Variants in HEATR4 observed in about 807,000 individuals in gnomAD.
HEATR4 encodes HEAT repeat containing 4, also known as HEAT repeat-containing protein 4.
A neutral mutation model predicts 108.8 loss-of-function variants in HEATR4; 95 were observed. That is an observed-to-expected ratio of 0.87 (90% confidence interval 0.74 to 1.04). HEATR4 has a LOEUF of 1.04. Among genes scored for constraint, HEATR4 ranks in the 50% least tolerant of loss-of-function variants. The pLI, the probability that HEATR4 is intolerant of heterozygous loss-of-function variation, is 0.00. For synonymous variants in HEATR4, 443 were observed against 459.4 expected, an observed-to-expected ratio of 0.96 and a Z score of 0.46; for missense variants, 1,152 against 1,253.8, an observed-to-expected ratio of 0.92 and a Z score of 1.23.
At chr14:73,632,141 AGAAAAG>A in the HEATR4 span, 1 of 147,128 alleles carries the variant, frequency 6.8e-6, no homozygotes, top group South Asian at 2.1e-4. Flanking sequence ...AAAAAAAAAA[AGAAAAG>A]GAAATTTGTA....
intron 12 of HEATR4, among the ~76,000 whole-genome samples, chr14:73,499,835 A>G (rs1462267671): frequency 2.0e-5 from 3 of 152,182 alleles, no homozygotes; most frequent in Non-Finnish European, 4.4e-5. Context: ...GTGCTCTAGA[A>G]TCGAAGTCTG....
chr14:73,478,898 G>T (rs1368977146), intron 17 of HEATR4, 56 bp from the exon 18 acceptor site: 1 of 1,398,234 alleles, frequency 7.2e-7, no homozygotes, highest in Non-Finnish European at 9.8e-7. Context: ...CATGTGAGCG[G>T]CAGAGCCCAA....
chr14:73,534,439 T>C lies in HEATR4; in HGVS notation c.-151-4195A>G. 1.9e-5 allele frequency among the ~76,000 whole-genome samples: 2 copies of C among 108,050 alleles called. 1 individual carries two copies. The highest frequency in any genetic ancestry group is 3.9e-5 in the Non-Finnish European group (2 of 50,684). The allele number at this position is 108,050 out of a possible 152,430, so 70.9% of individuals were successfully genotyped here. On this transcript the variant is annotated intron_variant, in intron 1 of 17. Transcript: ENST00000553558. ...CGAGTGTAGTGGCTCTTGCCTATAA[T>C]CCCAACACTCAGGGAGGCCAAGGTG... is the stretch of plus-strand genomic sequence containing the variant.
chr14:73,525,778 C>T (rs1309471167), intron 2 of HEATR4, among the ~76,000 whole-genome samples: 1 of 151,990 alleles, frequency 6.6e-6, no homozygotes, highest in Non-Finnish European at 1.5e-5. Flanking sequence ...CATGGAGAAA[C>T]CCCATCTCTA....
At chr14:73,583,595 C>T in the HEATR4 span, among the ~76,000 whole-genome samples, 2 of 152,006 alleles carry the variant, frequency 1.3e-5, no homozygotes, top group Non-Finnish European at 1.5e-5. Flanking sequence ...GCGGTTGGTG[C>T]CAGAGCGCCA....
upstream of HEATR4, among the ~76,000 whole-genome samples, chr14:73,563,047 C>A (rs186626853): frequency 1.8e-3 from 279 of 152,088 alleles, 1 homozygote; most frequent in African/African-American, 6.5e-3. Flanking sequence ...TTTGTACCCA[C>A]TCCCTGTTCT....
intron 11 of HEATR4, among the ~76,000 whole-genome samples, chr14:73,501,877 C>T (rs1886486733): frequency 6.6e-6 from 1 of 151,906 alleles, no homozygotes; most frequent in Admixed American, 6.6e-5. Flanking sequence ...CCTCAGCCTC[C>T]CGAATAGCTG....
At chr14:73,597,591 CTTTTTTTT>C in the HEATR4 span, among the ~76,000 whole-genome samples, 8 of 98,206 alleles carry the variant, frequency 8.1e-5, no homozygotes, top group South Asian at 3.5e-4. Context: ...TTTTTCTTTT[CTTTTTTTT>C]TTTTTTTTTT....
the HEATR4 span, among the ~76,000 whole-genome samples, chr14:73,614,642 G>A: frequency 6.6e-6 from 1 of 151,948 alleles, no homozygotes; most frequent in South Asian, 2.1e-4. Context: ...AGCTACTAGG[G>A]AGGCTGAGGT....
chr14:73,538,947 G>T lies in HEATR4; in HGVS notation c.-151-8703C>A, dbSNP rs1415935862. Reference sequence around the variant, plus strand: ...CACGCCATTGTACTCCAGCCTGGGGGACAAGAGTGAAACTCCATCTAAAAC... The same window carrying T: ...CACGCCATTGTACTCCAGCCTGGGGTACAAGAGTGAAACTCCATCTAAAAC... On this transcript the variant is annotated intron_variant, in intron 1 of 17. Coordinates refer to ENST00000553558, the MANE Select transcript of HEATR4 (RefSeq NM_001220484.1). 1.7e-5 allele frequency among the ~76,000 whole-genome samples: 2 copies of T among 115,182 alleles called. 1 individual carries two copies. Among genetic ancestry groups the T allele is most frequent in the Non-Finnish European group, 3.8e-5 (2 of 52,836 alleles). The allele number at this position is 115,182 out of a possible 152,430, so 75.6% of individuals were successfully genotyped here.
At chr14:73,594,897 G>A in the HEATR4 span, 1 of 853,190 alleles carries the variant, frequency 1.2e-6, no homozygotes. Context: ...TAGAGACAGG[G>A]TTCTGCCATG....
chr14:73,611,064 G>A, the HEATR4 span: 1 of 152,200 alleles, frequency 6.6e-6, no homozygotes, highest in African/African-American at 2.4e-5. Context: ...TCCAGTTCAT[G>A]TAAATTGTTG....
the HEATR4 span, among the ~76,000 whole-genome samples, chr14:73,610,123 T>C: frequency 6.6e-6 from 1 of 151,944 alleles, no homozygotes; most frequent in Admixed American, 6.6e-5. Flanking sequence ...AAAGAATCTT[T>C]CTTGGACCTC....
chr14:73,506,178 C>T lies in HEATR4; in HGVS notation c.1986+289G>A, dbSNP rs141750828. ...TGCTGGGATTACAGATGTGAGCCAC[C>T]GCACCCGGCCTACTATAAACGTTTC... is the stretch of plus-strand genomic sequence containing the variant. On this transcript the variant is annotated intron_variant, in intron 10 of 17. Transcript: ENST00000553558. Among the ~76,000 whole-genome samples, 5 of 152,266 alleles carry T rather than the reference C, an allele frequency of 3.3e-5. No homozygotes were observed. In the East Asian group the frequency reaches 7.7e-4, roughly 23 times the overall value.
the HEATR4 span, among the ~76,000 whole-genome samples, chr14:73,630,928 T>C: frequency 2.0e-5 from 3 of 152,194 alleles, no homozygotes; most frequent in African/African-American, 7.2e-5. Flanking sequence ...ACAATATTTA[T>C]GGCGAAAGGA....
Position 73,524,310 on chromosome 14 carries a change from A to AAAAAAAAAT in HEATR4, c.-72-1087_-72-1086insATTTTTTTT. Among the ~76,000 whole-genome samples, 48 of 54,770 alleles carry AAAAAAAAAT rather than the reference A, an allele frequency of 8.8e-4. 1 individual carries two copies. The highest frequency in any genetic ancestry group is 1.2e-3 in the Non-Finnish European group (39 of 32,104). The allele number at this position is 54,770 out of a possible 152,430, so 35.9% of individuals were successfully genotyped here. The stretch of plus-strand genomic sequence containing the variant: ...CTCCGTCTCAAAAAAAAAAAAAAAA[A>AAAAAAAAAT]ATATATATATATATATATATATATA... On this transcript the variant is annotated intron_variant, in intron 2 of 17. Coordinates refer to ENST00000553558, the MANE Select transcript of HEATR4 (RefSeq NM_001220484.1).
intron 5 of HEATR4, among the ~76,000 whole-genome samples, chr14:73,518,008 C>T (rs1014091526): frequency 6.6e-6 from 1 of 152,170 alleles, no homozygotes; most frequent in Admixed American, 6.5e-5. Flanking sequence ...ATCACTTGAA[C>T]CCAGGAGGCG....
the HEATR4 span, among the ~76,000 whole-genome samples, chr14:73,590,909 C>T: frequency 6.6e-6 from 1 of 152,152 alleles, no homozygotes; most frequent in African/African-American, 2.4e-5. Flanking sequence ...TGAAGGGCTC[C>T]TCAAGCGCGG....
At position 73,522,554 on chromosome 14, in the gene HEATR4, C is replaced by T; in HGVS notation, c.599G>A (p.Arg200Lys). Residue 200 changes from arginine (R) to lysine (K), a missense_variant, in exon 3 of 18, where the codon AGA becomes AAA. Arg to Lys is a conservative substitution (Grantham distance 26). Coordinates refer to ENST00000553558, the MANE Select transcript of HEATR4 (RefSeq NM_001220484.1). ...AWLLPPEKEA[R>K]AWEATVLEKL... is the part of the protein sequence containing the mutation. ...TTCCAGCACAGTGGCCTCCCACGCT[C>T]TGGCCTCCTTCTCAGGAGGCAGAAG... is the stretch of plus-strand genomic sequence containing the variant. 6.2e-7 allele frequency: 1 copy of T among 1,614,176 alleles called. No homozygotes were observed.
Sources: gnomAD v4.1 joint callset for allele counts (sites outside exome capture counted in the v4.1 genomes callset) on GRCh38, gnomAD v4.1.1 for gene constraint, MANE v1.5 for transcripts, NCBI Gene and HGNC (gene_info 2026-07-23, HGNC 2026-07-21) for gene names.